Variants in BABAM2 observed in about 807,000 individuals in gnomAD.
The protein encoded by BABAM2 is BRISC and BRCA1 A complex member 2.
A neutral mutation model predicts 54.7 loss-of-function variants in BABAM2; 31 were observed. The ratio of observed to expected loss-of-function variants is 0.57; its 90% CI spans 0.43 to 0.77. The LOEUF (loss-of-function observed/expected upper bound fraction) is 0.77. BABAM2 is among the 30% of genes least tolerant of loss of function. The probability of loss-of-function intolerance (pLI) is 0.00; values close to 1 mark genes in which losing one functional copy is unlikely to be tolerated. For missense variants in BABAM2, 364 were observed against 455.8 expected, an observed-to-expected ratio of 0.80 and a Z score of 1.83; for synonymous variants, 167 against 162.9, an observed-to-expected ratio of 1.03 and a Z score of -0.19.
intron 5 of BABAM2, among the ~76,000 whole-genome samples, chr2:28,038,157 G>C (rs1048817557): frequency 3.3e-5 from 5 of 152,088 alleles, no homozygotes; most frequent in African/African-American, 7.2e-5. Context: ...TAAGTAACCA[G>C]AGAAAAATTA....
At chr2:28,094,047 A>G (rs1368847040) in intron 6 of BABAM2, among the ~76,000 whole-genome samples, 1 of 152,218 alleles carries the variant, frequency 6.6e-6, no homozygotes, top group Non-Finnish European at 1.5e-5. Context: ...TAGCCTGTTC[A>G]GTGCAGGCCT....
intron 5 of BABAM2, among the ~76,000 whole-genome samples, chr2:28,039,474 A>G (rs925027184): frequency 1.3e-5 from 2 of 152,254 alleles, no homozygotes; most frequent in Admixed American, 6.5e-5. Flanking sequence ...ACTGGTTTTC[A>G]GAGTCCATTT....
At chr2:28,254,873 A>G (rs1268990056) in intron 10 of BABAM2, among the ~76,000 whole-genome samples, 3 of 151,564 alleles carry the variant, frequency 2.0e-5, no homozygotes, top group African/African-American at 7.3e-5. Context: ...AGCTGGGACT[A>G]TAGACACACA....
chr2:28,224,213 A>G lies in BABAM2; in HGVS notation c.681-12989A>G, dbSNP rs572823903. Among the ~76,000 whole-genome samples the G allele has an allele frequency of 7.9e-5, 12 of 152,360 alleles. No individual in the cohort carries two copies. In the South Asian group the frequency reaches 2.3e-3, roughly 29 times the overall value. On this transcript the variant is annotated intron_variant, in intron 7 of 11. Coordinates refer to ENST00000379624, the MANE Select transcript of BABAM2 (RefSeq NM_199191.3). The stretch of plus-strand genomic sequence containing the variant: ...CCTGTAACTGATGTTTTCATTGATG[A>G]TGAATATTAGAAACATTAACTATAT...
intron 3 of BABAM2, among the ~76,000 whole-genome samples, chr2:27,971,258 A>G (rs1455832476): frequency 6.6e-6 from 1 of 152,102 alleles, no homozygotes; most frequent in East Asian, 1.9e-4. Context: ...TCTGTCAGTG[A>G]TAGTACTTAA....
At chr2:28,035,084 A>T (rs932773914) in intron 5 of BABAM2, among the ~76,000 whole-genome samples, 7 of 152,162 alleles carry the variant, frequency 4.6e-5, no homozygotes, top group Non-Finnish European at 1.0e-4. Context: ...AAAACTCATT[A>T]ATGATTTTTA....
chr2:28,323,898 A>C (rs1160910723), intron 11 of BABAM2, among the ~76,000 whole-genome samples: 1 of 152,122 alleles, frequency 6.6e-6, no homozygotes, highest in African/African-American at 2.4e-5. Flanking sequence ...AGTAGCCTGC[A>C]TTCTTCATTA....
intron 2 of BABAM2, among the ~76,000 whole-genome samples, chr2:27,920,717 A>C (rs1409952016): frequency 6.6e-6 from 1 of 152,188 alleles, no homozygotes; most frequent in African/African-American, 2.4e-5. Flanking sequence ...CAAATGGTAA[A>C]TTAATAGTCA....
At chr2:27,998,916 G>C (rs946787256) in intron 4 of BABAM2, among the ~76,000 whole-genome samples, 1 of 152,206 alleles carries the variant, frequency 6.6e-6, no homozygotes, top group Non-Finnish European at 1.5e-5. Context: ...AGAAGATAGA[G>C]AACCAACCTT....
rs142695542 is a variant in BABAM2 at position 28,336,647 on chromosome 2, G to A, written c.1089-1803G>A. Among the ~76,000 whole-genome samples, 729 of 152,358 alleles carry A rather than the reference G, an allele frequency of 4.8e-3. 4 individuals carry two copies. The highest frequency in any genetic ancestry group is 0.028 in the South Asian group (135 of 4,826). On this transcript the variant is annotated intron_variant, in intron 11 of 11. Transcript: ENST00000379624. The stretch of plus-strand genomic sequence containing the variant: ...AGAGCTTCCAGAGAGAGGAGCTGAC[G>A]TTTCAGTGCTGCAGAGGCCATGGTG...
intron 6 of BABAM2, among the ~76,000 whole-genome samples, chr2:28,128,117 A>G (rs972880252): frequency 6.6e-6 from 1 of 152,076 alleles, no homozygotes; most frequent in Non-Finnish European, 1.5e-5. Context: ...CAGCCGAGTA[A>G]TGAGTCTTAA....
chr2:28,178,710 A>G (rs192870838), intron 7 of BABAM2, among the ~76,000 whole-genome samples: 1 of 112,420 alleles, frequency 8.9e-6, no homozygotes, highest in Non-Finnish European at 1.9e-5. Context: ...TTTTTTTTTT[A>G]AAAAGATGAA....
At chr2:28,175,067 A>T (rs1473199180) in intron 7 of BABAM2, among the ~76,000 whole-genome samples, 1 of 152,064 alleles carries the variant, frequency 6.6e-6, no homozygotes, top group Non-Finnish European at 1.5e-5. Flanking sequence ...AGCAACCACC[A>T]TCCCAACTAG....
chr2:28,023,502 A>T (rs766142252), intron 4 of BABAM2, among the ~76,000 whole-genome samples: 5 of 152,188 alleles, frequency 3.3e-5, no homozygotes, highest in Non-Finnish European at 7.4e-5. Flanking sequence ...AACAGCTCAG[A>T]AGGAGTTTCT....
At chr2:28,026,979 A>ATATAAATATATATAT (rs1558668295) in intron 5 of BABAM2, among the ~76,000 whole-genome samples, 1 of 96,600 alleles carries the variant, frequency 1.0e-5, no homozygotes, top group African/African-American at 5.1e-5. Flanking sequence ...TAAATATATA[A>ATATAAATATATATAT]ATATATATAA....
chr2:28,139,395 C>T (rs76071681), intron 7 of BABAM2, among the ~76,000 whole-genome samples: 14,173 of 149,164 alleles, frequency 0.095, 1,179 homozygotes, highest in African/African-American at 0.22. Flanking sequence ...ATGGTGAAAC[C>T]CTGCCTCTAC....
At chr2:28,187,662 A>ATTTTTTTT (rs35839748) in intron 7 of BABAM2, among the ~76,000 whole-genome samples, 5 of 99,160 alleles carry the variant, frequency 5.0e-5, no homozygotes, top group East Asian at 3.0e-4. Flanking sequence ...GAACTTTGGA[A>ATTTTTTTT]TTTTTTTTTT....
intron 3 of BABAM2, among the ~76,000 whole-genome samples, chr2:27,980,933 G>C (rs1671951613): frequency 2.6e-5 from 4 of 151,854 alleles, no homozygotes. Context: ...TAAGTGCTTG[G>C]GGTGATGGAT....
chr2:28,173,224 G>A (rs1573749084), intron 7 of BABAM2, among the ~76,000 whole-genome samples: 1 of 152,098 alleles, frequency 6.6e-6, no homozygotes, highest in Admixed American at 6.6e-5. Context: ...GCCTTGTGGG[G>A]GTTGCCCTGG....
Sources: allele counts gnomAD v4.1 joint callset (sites outside exome capture counted in the v4.1 genomes callset), GRCh38; gene constraint gnomAD v4.1.1; transcripts MANE v1.5; gene names NCBI Gene and HGNC (gene_info 2026-07-23, HGNC 2026-07-21).